Variants in ATPAF2 observed in about 807,000 individuals in gnomAD.
The protein encoded by ATPAF2 is ATP synthase mitochondrial F1 complex assembly factor 2, also known as ATP12 homolog.
Under a neutral mutation model 36.6 loss-of-function variants are expected in ATPAF2, and 30 were observed. The observed-to-expected ratio is 0.82, with a 90% CI of 0.61 to 1.11. ATPAF2 has a LOEUF of 1.11. Ranked by LOEUF, ATPAF2 falls within the 50% of genes most tolerant of loss-of-function variation. ATPAF2 has a pLI of 0.00. For synonymous variants in ATPAF2, 140 were observed against 152.6 expected (o/e 0.92, Z 0.61); for missense variants, 321 against 372.3 (o/e 0.86, Z 1.13).
intron 1 of ATPAF2, among the ~76,000 whole-genome samples, chr17:18,036,508 G>A (rs149650393): frequency 0.015 from 2,222 of 151,560 alleles, 53 homozygotes; most frequent in African/African-American, 0.052. Flanking sequence ...CCCGGGAGGC[G>A]GAGCTTACAG....
chr17:18,019,185 A>ACACACC (rs1313379853), intron 7 of ATPAF2, among the ~76,000 whole-genome samples: 54 of 146,354 alleles, frequency 3.7e-4, no homozygotes, highest in Middle Eastern at 7.0e-3. Flanking sequence ...ACACACACAC[A>ACACACC]CCCCACCACC....
intron 1 of ATPAF2, among the ~76,000 whole-genome samples, chr17:18,031,982 G>A (rs1024065002): frequency 1.3e-5 from 2 of 152,192 alleles, no homozygotes; most frequent in Non-Finnish European, 1.5e-5. Flanking sequence ...CTAGACATGG[G>A]TCTGGAGGCC....
intron 1 of ATPAF2, among the ~76,000 whole-genome samples, chr17:18,037,774 G>A (rs528625264): frequency 2.6e-5 from 4 of 152,148 alleles, no homozygotes; most frequent in Non-Finnish European, 5.9e-5. Context: ...ATGCCAAACT[G>A]CCTGTGAAGT....
At chr17:18,021,919 T>C in intron 5 of ATPAF2, 62 bp from the exon 6 acceptor site, 7 of 1,442,906 alleles carry the variant, frequency 4.9e-6, no homozygotes, top group Non-Finnish European at 6.8e-6. Flanking sequence ...AGCCCACCTT[T>C]TGACTAGAAA....
intron 5 of ATPAF2, 114 bp from the exon 6 acceptor site, chr17:18,021,971 G>C (rs2044476604): frequency 1.2e-5 from 11 of 929,814 alleles, no homozygotes; most frequent in Middle Eastern, 2.1e-4. Context: ...ATTGGCCAAG[G>C]AGCTAGTCTT....
intron 3 of ATPAF2, chr17:18,026,618 CG>C: frequency 1.6e-6 from 1 of 612,156 alleles, no homozygotes. Flanking sequence ...TTTGTGTTGA[CG>C]CTCACAGGAC....
At chr17:18,035,381 G>A (rs2044689883) in intron 1 of ATPAF2, among the ~76,000 whole-genome samples, 1 of 152,230 alleles carries the variant, frequency 6.6e-6, no homozygotes, top group South Asian at 2.1e-4. Flanking sequence ...GCCAAGGGAT[G>A]GAAGTAGTAA....
intron 7 of ATPAF2, among the ~76,000 whole-genome samples, chr17:18,018,905 G>T (rs2044425493): frequency 6.6e-6 from 1 of 152,182 alleles, no homozygotes; most frequent in Non-Finnish European, 1.5e-5. Flanking sequence ...GGAGACCGAG[G>T]CAGGAAGACT....
chr17:18,035,736 TA>T (rs1340852005), intron 1 of ATPAF2, among the ~76,000 whole-genome samples: 1 of 152,194 alleles, frequency 6.6e-6, no homozygotes, highest in Non-Finnish European at 1.5e-5. Flanking sequence ...TGTGTTCCAA[TA>T]AAACTCTATT....
intron 7 of ATPAF2, among the ~76,000 whole-genome samples, 187 bp from the exon 8 acceptor site, chr17:18,018,873 C>T (rs932686394): frequency 7.2e-5 from 11 of 152,148 alleles, no homozygotes; most frequent in East Asian, 1.9e-4. Context: ...CGGTGGCTCA[C>T]GCCTGTAATC....
Position 18,018,651 on chromosome 17 carries a change from G to A in ATPAF2, c.768C>T (p.Asp256=). 6.2e-7 allele frequency: 1 copy of A among 1,614,116 alleles called. No homozygotes were observed. Among genetic ancestry groups the A allele is most frequent in the Non-Finnish European group, 8.5e-7 (1 of 1,180,034 alleles). Reference sequence around the variant, plus strand: ...GGGCCCGCAGCTCCTGCAGCTCATAGTCATGGGCCCACTCAATGTTGCCCC... The same window carrying A: ...GGGCCCGCAGCTCCTGCAGCTCATAATCATGGGCCCACTCAATGTTGCCCC... ...QKWGNIEWAH[D]YELQELRART... Residue 256 remains aspartate (D), a synonymous_variant, in exon 8 of 8, where the codon GAC becomes GAT. Transcript: ENST00000474627.
At position 18,039,021 on chromosome 17, in the gene ATPAF2, G is replaced by C. The variant is rs1255241857; in HGVS notation, c.-8C>G. ...GAGGCAGCTCCTCCACATCGCGCCC[G>C]AGGGTCTGGGAAGATGCGAGACGCG... On this transcript the variant is annotated 5_prime_UTR_variant, in exon 1 of 8. Transcript: ENST00000474627. This position sits in a 1 kb window ranked among gnomAD's most constrained non-coding sequence, Gnocchi z 5.3. 6.3e-7 allele frequency: 1 copy of C among 1,592,572 alleles called. No individual in the cohort carries two copies. The highest frequency in any genetic ancestry group is 8.6e-7 in the Non-Finnish European group (1 of 1,169,548).
At position 18,018,494 on chromosome 17, in the gene ATPAF2, C is replaced by T. The variant is rs1024421680; in HGVS notation, c.*55G>A. 4.4e-6 allele frequency: 7 copies of T among 1,607,032 alleles called. No individual in the cohort carries two copies. The Admixed American group carries it at 6.7e-5, about 15-fold the overall frequency. ...CCACAGGCTGGGGAGCCCTGAAGGCCGGGGGAGCTGTGGCTGCACTGCCTC... is the reference window on the plus strand; with the variant it reads ...CCACAGGCTGGGGAGCCCTGAAGGCTGGGGGAGCTGTGGCTGCACTGCCTC... On this transcript the variant is annotated 3_prime_UTR_variant, in exon 8 of 8. Coordinates refer to ENST00000474627, the MANE Select transcript of ATPAF2 (RefSeq NM_145691.4).
intron 2 of ATPAF2, 87 bp from the exon 3 acceptor site, chr17:18,028,464 G>C (rs374343087): frequency 6.4e-7 from 1 of 1,574,726 alleles, no homozygotes; most frequent in Non-Finnish European, 8.7e-7. Flanking sequence ...AATTGGTGCA[G>C]ACAAAGCCAA....
intron 4 of ATPAF2, chr17:18,025,627 T>C (rs1476502842): frequency 6.4e-6 from 1 of 155,306 alleles, no homozygotes; most frequent in African/African-American, 2.4e-5. Flanking sequence ...AGGATCCCTG[T>C]ATAGTTTTCA....
downstream of ATPAF2, chr17:18,016,332 C>A: frequency 9.5e-7 from 1 of 1,047,128 alleles, no homozygotes; most frequent in Non-Finnish European, 1.4e-6. Flanking sequence ...TATAGAATTC[C>A]ACACTGAAGA....
downstream of ATPAF2, chr17:18,016,326 G>T (rs1371969986): frequency 9.1e-7 from 1 of 1,098,640 alleles, no homozygotes; most frequent in African/African-American, 1.6e-5. Flanking sequence ...AAGGATTATA[G>T]AATTCCACAC....
intron 4 of ATPAF2, chr17:18,024,951 C>T (rs1355404086): frequency 1.9e-6 from 1 of 525,252 alleles, no homozygotes; most frequent in Non-Finnish European, 3.4e-6. Flanking sequence ...GGAGGGGGGC[C>T]CAGCAATCTG....
intron 1 of ATPAF2, among the ~76,000 whole-genome samples, chr17:18,034,233 T>C (rs2044674314): frequency 6.6e-6 from 1 of 151,592 alleles, no homozygotes; most frequent in Non-Finnish European, 1.5e-5. Context: ...CAAGACCCTG[T>C]CTGTACAAAA....
Sources: allele counts gnomAD v4.1 joint callset (sites outside exome capture counted in the v4.1 genomes callset), GRCh38; gene constraint gnomAD v4.1.1; non-coding constraint Gnocchi (gnomAD v3.1); transcripts MANE v1.5; gene names NCBI Gene and HGNC (gene_info 2026-07-23, HGNC 2026-07-21).